The following LAMA1 variants were observed in gnomAD, a reference collection of about 807,000 sequenced individuals.
LAMA1 encodes laminin subunit alpha 1, also known as laminin subunit alpha-1.
LAMA1 carries 219 observed loss-of-function variants against 348.7 expected under a neutral mutation model. The ratio of observed to expected loss-of-function variants is 0.63; its 90% CI spans 0.56 to 0.70. The LOEUF (loss-of-function observed/expected upper bound fraction) is 0.70, where lower values mean the gene tolerates loss of function less well. Among genes scored for constraint, LAMA1 ranks in the 30% least tolerant of loss-of-function variants. The pLI, the probability that LAMA1 is intolerant of heterozygous loss-of-function variation, is 0.00. For missense variants in LAMA1, 3,744 were observed against 3,888.0 expected (o/e 0.96, Z 0.99); for synonymous variants, 1,487 against 1,491.0 (o/e 1.00, Z 0.06).
intron 3 of LAMA1, among the ~76,000 whole-genome samples, chr18:7,054,686 C>T (rs2058074640): frequency 6.6e-6 from 1 of 152,100 alleles, no homozygotes; most frequent in Non-Finnish European, 1.5e-5. Context: ...CATAGGTCCA[C>T]TTATAAACTA....
chr18:7,038,706 G>T, intron 11 of LAMA1, 104 bp downstream of exon 11: 1 of 1,432,552 alleles, frequency 7.0e-7, no homozygotes, highest in Non-Finnish European at 9.7e-7. Flanking sequence ...CGATGAGAGT[G>T]GTGTCACGGG....
intron 53 of LAMA1, 108 bp downstream of exon 53, chr18:6,961,478 A>G: frequency 7.4e-7 from 1 of 1,345,812 alleles, no homozygotes; most frequent in Non-Finnish European, 1.0e-6. Context: ...ATCCATAAAC[A>G]ACCAGGAACA....
Position 6,978,195 on chromosome 18 carries a change from C to G in LAMA1, c.6190+1G>C. On this transcript the variant is annotated splice_donor_variant, in intron 43 of 62. Transcript: ENST00000389658. LOFTEE classifies it high-confidence loss of function. ...GACTGGAAGGAAGGGCGCTGACATA[C>G]TGGCCATGGTGGAGTCCTGCAGAAG... 11 of 1,614,240 alleles carry G rather than the reference C, an allele frequency of 6.8e-6. No homozygotes were observed. Among genetic ancestry groups the G allele is most frequent in the Non-Finnish European group, 9.3e-6 (11 of 1,180,044 alleles).
At chr18:7,105,165 G>A (rs1055203961) in intron 1 of LAMA1, among the ~76,000 whole-genome samples, 6 of 152,224 alleles carry the variant, frequency 3.9e-5, no homozygotes, top group South Asian at 2.1e-4. Flanking sequence ...CAGACCAGGC[G>A]CAGTGGCTCA....
rs1264924623 is a variant in LAMA1 at position 6,973,205 on chromosome 18, A to C, written c.6626T>G (p.Phe2209Cys). ...NRWHSIHVAR[F>C]GNIGSLSVKE... ...TACACTCAGTGAACCAATGTTTCCA[A>C]ATCTAAGGGTTACAAAGAATTGCAA... The change falls in exon 47 of 63, where the codon TTT becomes TGT. Residue 2209 changes from phenylalanine to cysteine, a missense_variant and splice_region_variant. This residue lies in a region of LAMA1 where 1,983 missense variants were observed against 1,934.3 expected (regional missense o/e 1.03). Coordinates refer to ENST00000389658, the MANE Select transcript of LAMA1 (RefSeq NM_005559.4). 1.2e-6 allele frequency: 2 copies of C among 1,614,104 alleles called. No individual in the cohort carries two copies. Among genetic ancestry groups the C allele is most frequent in the Non-Finnish European group, 1.7e-6 (2 of 1,179,966 alleles).
chr18:6,977,999 GACA>G, intron 43 of LAMA1, 118 bp from the exon 44 acceptor site: 1 of 1,297,402 alleles, frequency 7.7e-7, no homozygotes, highest in South Asian at 1.2e-5. Context: ...TCAAAGCCAT[GACA>G]TTGTGGTACA....
chr18:7,096,647 ACT>A (rs34801895), intron 1 of LAMA1, among the ~76,000 whole-genome samples: 50,646 of 148,980 alleles, frequency 0.34, 8,843 homozygotes, highest in African/African-American at 0.44. Context: ...CAAGCAAGAC[ACT>A]CTCTCTCTCT....
intron 3 of LAMA1, among the ~76,000 whole-genome samples, chr18:7,071,142 A>C (rs1453527923): frequency 6.6e-6 from 1 of 152,210 alleles, no homozygotes; most frequent in Non-Finnish European, 1.5e-5. Context: ...TTGGAGACCA[A>C]AGACAAGGAG....
At chr18:7,028,675 C>T (rs1186397380) in intron 16 of LAMA1, among the ~76,000 whole-genome samples, 1 of 152,226 alleles carries the variant, frequency 6.6e-6, no homozygotes, top group Non-Finnish European at 1.5e-5. Context: ...ATGAAGAGCA[C>T]TGGAAATGGT....
intron 50 of LAMA1, 33 bp downstream of exon 50, chr18:6,965,255 A>G: frequency 1.9e-6 from 3 of 1,613,866 alleles, no homozygotes; most frequent in Non-Finnish European, 2.5e-6. Context: ...TATGAGGGTG[A>G]CCGACATCTG....
Position 6,947,219 on chromosome 18 carries a change from G to T in LAMA1, c.8788C>A (p.Leu2930Met). The change falls in exon 61 of 63, where the codon CTG (leucine) becomes ATG (methionine). Residue 2930 changes from leucine (L) to methionine (M), a missense_variant. Physicochemically the swap from Leu to Met is conservative, Grantham distance 15. Coordinates refer to ENST00000389658, the MANE Select transcript of LAMA1 (RefSeq NM_005559.4). ...TCCACTTTGGCAGTGCTGATCCCCA[G>T]GAGGACGCCATTCTGCGAGGAGGTT... is the stretch of plus-strand genomic sequence containing the variant. ...FRTSSQNGVL[L>M]GISTAKVDAI... 2 of 1,614,214 alleles carry T rather than the reference G, an allele frequency of 1.2e-6. No individual in the cohort carries two copies. The highest frequency in any genetic ancestry group is 1.7e-6 in the Non-Finnish European group (2 of 1,180,038).
chr18:7,105,246 G>T (rs1167112584), intron 1 of LAMA1, among the ~76,000 whole-genome samples: 2 of 151,992 alleles, frequency 1.3e-5, no homozygotes, highest in East Asian at 3.9e-4. Flanking sequence ...CTCAAGACCA[G>T]CCTGGCCAAC....
chr18:6,960,882 C>G (rs2057604049), intron 53 of LAMA1, among the ~76,000 whole-genome samples: 1 of 150,044 alleles, frequency 6.7e-6, no homozygotes, highest in African/African-American at 2.5e-5. Flanking sequence ...GCAGCATTCC[C>G]CTTGCAGCAT....
rs760056858 is a variant in LAMA1 at position 7,007,135 on chromosome 18, A to C, written c.4260+4T>G. ...CAGGCAAGCACCCCCACAAACCAGCATACCAGACACTTCCCGGTGTTGGGG... is the reference window on the plus strand; with the variant it reads ...CAGGCAAGCACCCCCACAAACCAGCCTACCAGACACTTCCCGGTGTTGGGG... On this transcript the variant is annotated splice_donor_region_variant and intron_variant, in intron 29 of 62. Transcript: ENST00000389658. 1.2e-6 allele frequency: 2 copies of C among 1,613,980 alleles called. No individual in the cohort carries two copies. Among genetic ancestry groups the C allele is most frequent in the Non-Finnish European group, 1.7e-6 (2 of 1,179,986 alleles).
intron 36 of LAMA1, among the ~76,000 whole-genome samples, chr18:6,990,364 C>T (rs1002420648): frequency 3.9e-5 from 6 of 152,044 alleles, no homozygotes; most frequent in African/African-American, 1.4e-4. Context: ...GAGAGCCCCA[C>T]AAAATGATTC....
intron 1 of LAMA1, among the ~76,000 whole-genome samples, chr18:7,115,286 T>C (rs1174628620): frequency 6.6e-6 from 1 of 152,168 alleles, no homozygotes; most frequent in Non-Finnish European, 1.5e-5. Context: ...GAATTGTCTA[T>C]TTTAGAAAAA....
chr18:6,964,380 G>T (rs1310880812), intron 51 of LAMA1, among the ~76,000 whole-genome samples: 1 of 152,132 alleles, frequency 6.6e-6, no homozygotes, highest in Non-Finnish European at 1.5e-5. Flanking sequence ...TATGCAACAT[G>T]ACAGTTGTCC....
At chr18:7,104,789 C>CATTA (rs1290490860) in intron 1 of LAMA1, among the ~76,000 whole-genome samples, 1 of 152,230 alleles carries the variant, frequency 6.6e-6, no homozygotes, top group East Asian at 1.9e-4. Context: ...AAAACTGTTA[C>CATTA]ATTACATGCT....
At position 7,011,212 on chromosome 18, in the gene LAMA1, A is replaced by ACAGGC; in HGVS notation, c.3687+83_3687+87dup. Reference sequence around the variant, plus strand: ...AAATTAATAACTACTTCTTTAAATGACAGGCCGGCCCAGACTATGGTGATT... The same window carrying ACAGGC: ...AAATTAATAACTACTTCTTTAAATGACAGGCCAGGCCGGCCCAGACTATGGTGATT... On this transcript the variant is annotated intron_variant, in intron 25 of 62. Coordinates refer to ENST00000389658, the MANE Select transcript of LAMA1 (RefSeq NM_005559.4). 7 of 1,431,066 alleles carry ACAGGC rather than the reference A, an allele frequency of 4.9e-6. 1 individual carries two copies. The South Asian group carries it at 8.6e-5, about 18-fold the overall frequency. The allele number at this position is 1,431,066 out of a possible 1,614,324, so 88.6% of individuals were successfully genotyped here.
Sources: gnomAD v4.1 joint callset for allele counts (sites outside exome capture counted in the v4.1 genomes callset) on GRCh38, gnomAD v4.1.1 for gene constraint, gnomAD v4.1.1 regional missense constraint, MANE v1.5 for transcripts, NCBI Gene and HGNC (gene_info 2026-07-23, HGNC 2026-07-21) for gene names.